BCAS3: variants seen among roughly 807,000 people sequenced by gnomAD.
The protein encoded by BCAS3 is BCAS4/BCAS3 fusion.
Under a neutral mutation model 116.1 loss-of-function variants are expected in BCAS3, and 53 were observed. The observed-to-expected ratio is 0.46, with a 90% confidence interval of 0.37 to 0.57. The LOEUF is 0.57. Ranked by LOEUF, BCAS3 falls within the 20% of genes least tolerant of loss-of-function variation. BCAS3 has a pLI of 0.00. For synonymous variants in BCAS3, 391 were observed against 408.2 expected, an observed-to-expected ratio of 0.96 and a Z score of 0.51; for missense variants, 917 against 1,165.4, an observed-to-expected ratio of 0.79 and a Z score of 3.10.
At position 61,047,249 on chromosome 17, in the gene BCAS3, A is replaced by G. The variant is rs146312389; in HGVS notation, c.2029+6357A>G. 1.4e-3 allele frequency among the ~76,000 whole-genome samples: 211 copies of G among 152,138 alleles called. 3 individuals are homozygous for G. In the East Asian group the frequency reaches 0.016, roughly 11 times the overall value. ...ACCCCAAATTGAGGAATTTTGGTGTATTGTAAATTAGATCATACTAGAATG... is the reference window on the plus strand; with the variant it reads ...ACCCCAAATTGAGGAATTTTGGTGTGTTGTAAATTAGATCATACTAGAATG... On this transcript the variant is annotated intron_variant, in intron 19 of 23. Transcript: ENST00000407086.
At chr17:61,045,976 AT>A (rs1162637867) in intron 19 of BCAS3, among the ~76,000 whole-genome samples, 11 of 9,830 alleles carry the variant, frequency 1.1e-3, no homozygotes, top group African/African-American at 2.8e-3. Flanking sequence ...ATATATATAT[AT>A]TATATATATA....
intron 6 of BCAS3, among the ~76,000 whole-genome samples, chr17:60,765,228 T>C (rs1430019784): frequency 1.3e-5 from 2 of 152,206 alleles, no homozygotes; most frequent in Non-Finnish European, 2.9e-5. Context: ...TATGATCCTG[T>C]CATTATGATG....
intron 12 of BCAS3, among the ~76,000 whole-genome samples, chr17:60,923,396 T>G (rs912763250): frequency 5.3e-5 from 8 of 152,208 alleles, no homozygotes; most frequent in Non-Finnish European, 1.2e-4. Flanking sequence ...ATTGTTTTTT[T>G]GGGCTGTATT....
intron 6 of BCAS3, among the ~76,000 whole-genome samples, chr17:60,775,905 A>G (rs1486220455): frequency 6.6e-6 from 1 of 152,216 alleles, no homozygotes; most frequent in East Asian, 1.9e-4. Context: ...GCATTCATTG[A>G]GAAGAAATGA....
rs1295717579 is a variant in BCAS3, at chr17:61,347,371, C to T, written c.2426-20956C>T. Among the ~76,000 whole-genome samples, 2 of 152,168 alleles carry T rather than the reference C, an allele frequency of 1.3e-5. No individual in the cohort carries two copies. ...TGCTGGGATTATAGGCATGAGCCAC[C>T]GCACCCGGCCAGAATCACTCTTCAG... is the stretch of plus-strand genomic sequence containing the variant. On this transcript the variant is annotated intron_variant, in intron 22 of 23. Transcript: ENST00000407086. The surrounding 1 kb of genome is among the most constrained non-coding windows in gnomAD (Gnocchi z 4.3).
Position 61,392,283 on chromosome 17 carries a change from A to G in BCAS3, c.*158A>G, listed in dbSNP as rs185126548. 50 of 874,108 alleles carry G rather than the reference A, an allele frequency of 5.7e-5. No homozygotes were observed. The Middle Eastern group carries it at 9.0e-4, about 16-fold the overall frequency. The allele number at this position is 874,108 out of a possible 1,614,324, so 54.1% of individuals were successfully genotyped here. ...CGCCCATCCTACCTGGATGGAGAAG[A>G]GACCCTTCTCCAAGCACCTCAGCGC... On this transcript the variant is annotated 3_prime_UTR_variant, in exon 24 of 24. Transcript: ENST00000407086. This position sits in a 1 kb window ranked among gnomAD's most constrained non-coding sequence, Gnocchi z 6.4.
intron 7 of BCAS3, among the ~76,000 whole-genome samples, chr17:60,844,827 T>C (rs2052350403): frequency 6.6e-6 from 1 of 152,098 alleles, no homozygotes. Flanking sequence ...GACGTGAGGA[T>C]GGAATAGAGC....
intron 5 of BCAS3, among the ~76,000 whole-genome samples, chr17:60,724,928 T>C (rs1011945390): frequency 6.6e-6 from 1 of 152,056 alleles, no homozygotes; most frequent in African/African-American, 2.4e-5. Flanking sequence ...TATAGCTCAC[T>C]GCAGCCTCCA....
chr17:60,827,056 TA>T (rs2050495101), intron 7 of BCAS3, among the ~76,000 whole-genome samples: 1 of 152,212 alleles, frequency 6.6e-6, no homozygotes, highest in African/African-American at 2.4e-5. Flanking sequence ...TGGATGAAAA[TA>T]TAGAATAATG....
At chr17:61,311,064 G>A (rs1454582767) in intron 22 of BCAS3, among the ~76,000 whole-genome samples, 1 of 152,172 alleles carries the variant, frequency 6.6e-6, no homozygotes, top group Non-Finnish European at 1.5e-5. Context: ...GTTCCTGTGA[G>A]AATTCAGTGA....
chr17:61,164,065 T>G (rs2078333582), intron 22 of BCAS3, among the ~76,000 whole-genome samples: 1 of 148,692 alleles, frequency 6.7e-6, no homozygotes, highest in African/African-American at 2.5e-5. Context: ...ACCAGATTTT[T>G]GGGCACTGAA....
chr17:61,334,130 G>T (rs1470308664), intron 22 of BCAS3, among the ~76,000 whole-genome samples: 1 of 152,210 alleles, frequency 6.6e-6, no homozygotes, highest in Non-Finnish European at 1.5e-5. Flanking sequence ...GTAGACAGAT[G>T]ATCATGATAC....
intron 22 of BCAS3, among the ~76,000 whole-genome samples, chr17:61,359,922 T>G (rs950286374): frequency 5.9e-5 from 9 of 152,218 alleles, no homozygotes; most frequent in Admixed American, 2.0e-4. Flanking sequence ...GTGTGGCATT[T>G]AGCATGGGTG....
At chr17:61,250,221 T>A (rs1207236496) in intron 22 of BCAS3, among the ~76,000 whole-genome samples, 1 of 152,020 alleles carries the variant, frequency 6.6e-6, no homozygotes, top group Admixed American at 6.6e-5. Flanking sequence ...CCCTCAGCAA[T>A]GTGCTAAATA....
rs2051283585 is a variant in BCAS3 at position 61,281,946 on chromosome 17, GA to G, written c.2426-86380del. Among the ~76,000 whole-genome samples the G allele has an allele frequency of 1.3e-5, 2 of 152,044 alleles. No homozygotes were observed. Among genetic ancestry groups the G allele is most frequent in the South Asian group, 4.1e-4 (2 of 4,820 alleles). ...TGTTGTGCACATAATAGATGTTCAA[GA>G]CTTTTTTCTAAACAGCTATTTCAAT... is the stretch of plus-strand genomic sequence containing the variant. On this transcript the variant is annotated intron_variant, in intron 22 of 23. Coordinates refer to ENST00000407086, the MANE Select transcript of BCAS3 (RefSeq NM_017679.5). The surrounding 1 kb of genome is among the most constrained non-coding windows in gnomAD (Gnocchi z 4.2).
In BCAS3 at chr17:61,241,780, AT is replaced by A. The variant is rs1319600681; in HGVS notation, c.2426-126541del. ...ATGAGTCTAAAAAATGTACTTACCT[AT>A]TTTTTCTCTACTAACATCATTTAAC... On this transcript the variant is annotated intron_variant, in intron 22 of 23. Transcript: ENST00000407086. This position sits in a 1 kb window ranked among gnomAD's most constrained non-coding sequence, Gnocchi z 4.6. Among the ~76,000 whole-genome samples the A allele has an allele frequency of 6.6e-6, 1 of 152,158 alleles. No homozygotes were observed. Among genetic ancestry groups the A allele is most frequent in the Non-Finnish European group, 1.5e-5 (1 of 68,018 alleles).
At chr17:60,924,580 T>A in intron 13 of BCAS3, 80 bp downstream of exon 13, 2 of 1,081,388 alleles carry the variant, frequency 1.8e-6, no homozygotes, top group Non-Finnish European at 2.7e-6. Context: ...ATATGGAATA[T>A]GGAATCTGAC....
chr17:61,222,066 A>T lies in BCAS3; in HGVS notation c.2425+137502A>T, dbSNP rs1305228154. Among the ~76,000 whole-genome samples, 4 of 152,204 alleles carry T rather than the reference A, an allele frequency of 2.6e-5. No homozygotes were observed. The highest frequency in any genetic ancestry group is 5.9e-5 in the Non-Finnish European group (4 of 68,034). ...TACATACCTGCTGCTCACTAAGTGT[A>T]CATATGATCCCTCTGTGTGTTCAAA... On this transcript the variant is annotated intron_variant, in intron 22 of 23. Coordinates refer to ENST00000407086, the MANE Select transcript of BCAS3 (RefSeq NM_017679.5). The surrounding 1 kb of genome is among the most constrained non-coding windows in gnomAD (Gnocchi z 6.1).
At position 61,228,445 on chromosome 17, in the gene BCAS3, T is replaced by G. The variant is rs2082486944; in HGVS notation, c.2426-139882T>G. Among the ~76,000 whole-genome samples the G allele has an allele frequency of 6.6e-6, 1 of 152,210 alleles. No homozygotes were observed. The highest frequency in any genetic ancestry group is 6.5e-5 in the Admixed American group (1 of 15,280). On this transcript the variant is annotated intron_variant, in intron 22 of 23. Transcript: ENST00000407086. This position sits in a 1 kb window ranked among gnomAD's most constrained non-coding sequence, Gnocchi z 5.0. ...CTCATTTTACTGCATTTTGCTTGAT[T>G]GTGCTTCACAGATGATATTGCATTT...
Sources: allele counts gnomAD v4.1 joint callset (sites outside exome capture counted in the v4.1 genomes callset), GRCh38; gene constraint gnomAD v4.1.1; non-coding constraint Gnocchi (gnomAD v3.1); transcripts MANE v1.5; gene names NCBI Gene and HGNC (gene_info 2026-07-23, HGNC 2026-07-21).